MEMO1: variants seen among roughly 807,000 people sequenced by gnomAD.
The protein encoded by MEMO1 is mediator of cell motility 1.
MEMO1 carries 6 observed loss-of-function variants against 45.2 expected under a neutral mutation model. The observed-to-expected ratio is 0.13, with a 90% CI of 0.07 to 0.26. The LOEUF (loss-of-function observed/expected upper bound fraction) is 0.26. MEMO1 is among the 10% of genes least tolerant of loss of function. The probability of loss-of-function intolerance (pLI) is 1.00; values close to 1 mark genes in which losing one functional copy is unlikely to be tolerated. For missense variants in MEMO1, 184 were observed against 370.5 expected, an observed-to-expected ratio of 0.50 and a Z score of 4.13; for synonymous variants, 78 against 124.3, an observed-to-expected ratio of 0.63 and a Z score of 2.48.
intron 7 of MEMO1, among the ~76,000 whole-genome samples, chr2:31,886,066 G>A (rs1232292963): frequency 6.6e-6 from 1 of 152,190 alleles, no homozygotes; most frequent in African/African-American, 2.4e-5. Flanking sequence ...GGGATTTAAT[G>A]AGAATGCAAA....
intron 6 of MEMO1, chr2:31,893,335 G>GA: frequency 5.2e-6 from 6 of 1,164,356 alleles, no homozygotes; most frequent in Non-Finnish European, 5.4e-6. Context: ...TGGAGTAAGA[G>GA]AAAAAAAGGA....
At chr2:31,979,754 T>C (rs867746719) in intron 2 of MEMO1, among the ~76,000 whole-genome samples, 2 of 152,268 alleles carry the variant, frequency 1.3e-5, no homozygotes, top group African/African-American at 4.8e-5. Flanking sequence ...TGCCATGCCA[T>C]TGCTTTAGTT....
At chr2:31,998,754 C>G (rs1445485417) in intron 2 of MEMO1, among the ~76,000 whole-genome samples, 2 of 151,048 alleles carry the variant, frequency 1.3e-5, no homozygotes, top group Non-Finnish European at 2.9e-5. Context: ...GAGTAGAGAT[C>G]ATGCCATTGC....
intron 6 of MEMO1, among the ~76,000 whole-genome samples, chr2:31,916,839 G>C (rs112709298): frequency 0.011 from 1,649 of 152,178 alleles, 35 homozygotes; most frequent in African/African-American, 0.037. Context: ...ATAATACTTT[G>C]AATACAGAAT....
intron 2 of MEMO1, among the ~76,000 whole-genome samples, chr2:32,003,148 A>T (rs1353458850): frequency 2.0e-5 from 3 of 152,154 alleles, no homozygotes; most frequent in Non-Finnish European, 4.4e-5. Context: ...CTTCCAGCAA[A>T]CATTTTATAC....
At chr2:31,913,986 A>T (rs1173264866) in intron 6 of MEMO1, among the ~76,000 whole-genome samples, 1 of 152,158 alleles carries the variant, frequency 6.6e-6, no homozygotes, top group Non-Finnish European at 1.5e-5. Context: ...GAGGGCTGGA[A>T]ATTTCTACTT....
At chr2:31,872,804 A>C (rs1206468072) in intron 8 of MEMO1, among the ~76,000 whole-genome samples, 1 of 152,180 alleles carries the variant, frequency 6.6e-6, no homozygotes. Flanking sequence ...ATGGTTTAAG[A>C]GGTATGCCTC....
At chr2:31,918,641 C>T (rs557269546) in intron 5 of MEMO1, among the ~76,000 whole-genome samples, 183 of 152,200 alleles carry the variant, frequency 1.2e-3, no homozygotes, top group African/African-American at 4.1e-3. Context: ...ATAAATTCGC[C>T]ACAATACCGT....
At chr2:31,971,978 A>C (rs1264916937) in intron 2 of MEMO1, among the ~76,000 whole-genome samples, 1 of 152,154 alleles carries the variant, frequency 6.6e-6, no homozygotes, top group Non-Finnish European at 1.5e-5. Flanking sequence ...TCAAAAAAAA[A>C]GAAAAGAAAA....
chr2:31,994,805 G>A (rs538286988), intron 2 of MEMO1, among the ~76,000 whole-genome samples: 96 of 151,870 alleles, frequency 6.3e-4, no homozygotes, highest in African/African-American at 2.2e-3. Context: ...AAAATTAGCC[G>A]GGCATGGTGG....
At chr2:31,960,065 C>CATGCGCCG (rs1667836186) in intron 2 of MEMO1, among the ~76,000 whole-genome samples, 1 of 152,048 alleles carries the variant, frequency 6.6e-6, no homozygotes, top group Non-Finnish European at 1.5e-5. Context: ...GGTGTGGCGG[C>CATGCGCCG]GCATGCCTAT....
At chr2:31,976,132 G>A (rs1476745554) in intron 2 of MEMO1, among the ~76,000 whole-genome samples, 1 of 152,158 alleles carries the variant, frequency 6.6e-6, no homozygotes, top group Non-Finnish European at 1.5e-5. Flanking sequence ...ATGAGGAAAA[G>A]ATAAAGTATC....
chr2:31,897,423 T>C (rs1397814607), intron 6 of MEMO1, among the ~76,000 whole-genome samples: 2 of 152,246 alleles, frequency 1.3e-5, no homozygotes, highest in African/African-American at 4.8e-5. Context: ...GATTTTAGCA[T>C]GAAGCGGTAT....
chr2:31,930,131 C>T (rs576703017), intron 4 of MEMO1, among the ~76,000 whole-genome samples: 8 of 152,248 alleles, frequency 5.3e-5, no homozygotes, highest in Admixed American at 2.6e-4. Context: ...AGTGTGGTGG[C>T]GTGCACCTGT....
Position 31,914,047 on chromosome 2 carries a change from T to C in MEMO1, c.437+3879A>G, listed in dbSNP as rs897414187. ...AGGATTCACCACGTGAAGAGAGAAG[T>C]CCTGAAGGGTGAGTGTCAACAGGCA... On this transcript the variant is annotated intron_variant, in intron 6 of 9. Coordinates refer to ENST00000404530, the MANE Select transcript of MEMO1 (RefSeq NM_001301833.4). Among the ~76,000 whole-genome samples, 3 of 152,156 alleles carry C rather than the reference T, an allele frequency of 2.0e-5. No homozygotes were observed. The East Asian group carries it at 5.8e-4, about 29-fold the overall frequency.
At chr2:31,917,290 C>A (rs761149726) in intron 6 of MEMO1, among the ~76,000 whole-genome samples, 1 of 152,098 alleles carries the variant, frequency 6.6e-6, no homozygotes, top group Non-Finnish European at 1.5e-5. Context: ...AAATGTTTCA[C>A]TAAAAGAAGA....
intron 2 of MEMO1, among the ~76,000 whole-genome samples, chr2:31,988,777 A>G (rs1022085928): frequency 2.0e-5 from 3 of 152,230 alleles, no homozygotes; most frequent in Non-Finnish European, 2.9e-5. Flanking sequence ...TTAAATGGGT[A>G]GAAAGATGGC....
intron 2 of MEMO1, among the ~76,000 whole-genome samples, chr2:31,960,735 A>G (rs761108412): frequency 1.3e-5 from 2 of 151,922 alleles, no homozygotes; most frequent in Non-Finnish European, 2.9e-5. Flanking sequence ...ACAGGCACCC[A>G]CCACCATACC....
At chr2:31,950,914 C>A (rs1333360052) in intron 2 of MEMO1, among the ~76,000 whole-genome samples, 1 of 152,176 alleles carries the variant, frequency 6.6e-6, no homozygotes, top group South Asian at 2.1e-4. Context: ...GAGTCATCAG[C>A]AATCCTTGTT....
Sources: allele counts gnomAD v4.1 joint callset (sites outside exome capture counted in the v4.1 genomes callset), GRCh38; gene constraint gnomAD v4.1.1; transcripts MANE v1.5; gene names NCBI Gene and HGNC (gene_info 2026-07-23, HGNC 2026-07-21).